The following MAFK variants were observed in gnomAD, a reference collection of about 807,000 sequenced individuals.
MAFK encodes the protein MAF bZIP transcription factor K.
A neutral mutation model predicts 9.2 loss-of-function variants in MAFK; 1 was observed. The observed-to-expected ratio is 0.11, with a 90% CI of 0.04 to 0.52. The LOEUF is 0.52. Ranked by LOEUF, MAFK falls within the 20% of genes least tolerant of loss-of-function variation. MAFK has a pLI of 0.94. For synonymous variants in MAFK, 110 were observed against 107.4 expected, an observed-to-expected ratio of 1.02 and a Z score of -0.15; for missense variants, 207 against 236.0, an observed-to-expected ratio of 0.88 and a Z score of 0.81.
In MAFK at chr7:1,542,733, G is replaced by C. The variant is rs939160175; in HGVS notation, c.*2358G>C. 1 of 152,546 alleles carries C rather than the reference G, an allele frequency of 6.6e-6. No homozygotes were observed. The highest frequency in any genetic ancestry group is 2.4e-5 in the African/African-American group (1 of 41,450). 9.4% of individuals were successfully genotyped at this position (152,546 alleles called of 1,614,324 possible). A position where few individuals can be genotyped will look rare whatever the true frequency, so the allele number is the denominator to read the frequency against. ...TCACGTGGGTTTGTTTTCTGTCTCC[G>C]TGCCTCCGGCTTCCCAAAGAGATCC... On this transcript the variant is annotated 3_prime_UTR_variant, in exon 3 of 3. Coordinates refer to ENST00000343242, the MANE Select transcript of MAFK (RefSeq NM_002360.4).
At chr7:1,533,072 T>TA (rs1342074118) in intron 1 of MAFK, among the ~76,000 whole-genome samples, 1 of 152,210 alleles carries the variant, frequency 6.6e-6, no homozygotes, top group African/African-American at 2.4e-5. Context: ...CTTAAAATCA[T>TA]AGAGTTTTAG....
chr7:1,538,475 T>C, intron 1 of MAFK: 4 of 159,874 alleles, frequency 2.5e-5, no homozygotes, highest in Non-Finnish European at 4.5e-5. Context: ...TCCCGTGGCC[T>C]GTGGGGAGGG....
chr7:1,531,187 A>G (rs1248695943), intron 1 of MAFK, among the ~76,000 whole-genome samples: 8 of 146,828 alleles, frequency 5.4e-5, no homozygotes. Flanking sequence ...CAGGGCGCGG[A>G]CCCCAGACCT....
intron 1 of MAFK, among the ~76,000 whole-genome samples, chr7:1,531,559 C>T (rs1016387046): frequency 1.3e-5 from 2 of 152,210 alleles, no homozygotes; most frequent in African/African-American, 4.8e-5. Flanking sequence ...GGGCAGGTGA[C>T]AGTGGCCCCA....
At chr7:1,539,918 G>T (rs1009912175) in intron 2 of MAFK, 23 bp from the exon 3 acceptor site, 2 of 1,494,584 alleles carry the variant, frequency 1.3e-6, no homozygotes, top group African/African-American at 2.8e-5. Flanking sequence ...TCCCGCCGCT[G>T]ACCCCGCACT....
At chr7:1,537,468 G>C in intron 1 of MAFK, 2 of 985,614 alleles carry the variant, frequency 2.0e-6, no homozygotes, top group Non-Finnish European at 2.4e-6. Context: ...GTTTCTCATG[G>C]TGCTCCCAGC....
rs1278385816 is a variant in MAFK at position 1,534,584 on chromosome 7, C to T, written c.-45+3686C>T. ...CTGGTCTTCCTCCTGCCCCTCCTCC[C>T]TCTCCCGCATCCCACATCCTCGGAG... is the stretch of plus-strand genomic sequence containing the variant. On this transcript the variant is annotated intron_variant, in intron 1 of 2. Transcript: ENST00000343242. This position sits in a 1 kb window ranked among gnomAD's most constrained non-coding sequence, Gnocchi z 4.3. The T allele has an allele frequency of 1.5e-5, 7 of 456,374 alleles. No individual in the cohort carries two copies. The highest frequency in any genetic ancestry group is 7.0e-5 in the Admixed American group (3 of 42,572). 28.3% of individuals were successfully genotyped at this position (456,374 alleles called of 1,614,324 possible). A position where few individuals can be genotyped will look rare whatever the true frequency, so the allele number is the denominator to read the frequency against.
Position 1,534,404 on chromosome 7 carries a change from G to T in MAFK, c.-45+3506G>T, listed in dbSNP as rs924978931. 9.1e-6 allele frequency: 4 copies of T among 440,392 alleles called. No individual in the cohort carries two copies. The highest frequency in any genetic ancestry group is 1.9e-5 in the Non-Finnish European group (4 of 214,130). The allele number at this position is 440,392 out of a possible 1,614,324, so 27.3% of individuals were successfully genotyped here. On this transcript the variant is annotated intron_variant, in intron 1 of 2. Transcript: ENST00000343242. This position sits in a 1 kb window ranked among gnomAD's most constrained non-coding sequence, Gnocchi z 4.3. ...CCGGCTTGGGGTCTCTGGCAGAAAG[G>T]CTCCTGGGAGAGGCGGGTACACCTT...
At chr7:1,538,582 G>A in intron 1 of MAFK, 1 of 351,420 alleles carries the variant, frequency 2.8e-6, no homozygotes, top group Non-Finnish European at 4.0e-6. Context: ...ATCCAGGCTG[G>A]GTCCGGAGCA....
intron 1 of MAFK, chr7:1,538,183 C>T (rs954632282): frequency 6.3e-6 from 5 of 788,588 alleles, no homozygotes; most frequent in Non-Finnish European, 7.7e-6. Context: ...TCGGAGGGCT[C>T]ATGCCGGGGA....
chr7:1,531,559 C>G (rs1016387046), intron 1 of MAFK, among the ~76,000 whole-genome samples: 11 of 152,210 alleles, frequency 7.2e-5, no homozygotes, highest in African/African-American at 2.7e-4. Flanking sequence ...GGGCAGGTGA[C>G]AGTGGCCCCA....
At chr7:1,536,703 C>T (rs562035065) in intron 1 of MAFK, among the ~76,000 whole-genome samples, 7 of 152,356 alleles carry the variant, frequency 4.6e-5, no homozygotes, top group Admixed American at 6.5e-5. Context: ...ATGTTTAAAG[C>T]GACATTAGGT....
chr7:1,536,482 A>G (rs1373817811), intron 1 of MAFK, among the ~76,000 whole-genome samples: 1 of 152,014 alleles, frequency 6.6e-6, no homozygotes, highest in Non-Finnish European at 1.5e-5. Context: ...CCTGGATGAC[A>G]CCCTAAGGCT....
In MAFK at chr7:1,539,085, G is replaced by C. The variant is rs10252127; in HGVS notation, c.-44-64G>C. 9,232 of 1,295,400 alleles carry C rather than the reference G, an allele frequency of 7.1e-3. 395 individuals carry two copies. The African/African-American group carries it at 0.096, about 13-fold the overall frequency. The allele number at this position is 1,295,400 out of a possible 1,614,324, so 80.2% of individuals were successfully genotyped here. On this transcript the variant is annotated intron_variant, in intron 1 of 2. Transcript: ENST00000343242. ...AGAAGCATCCCTGCATGGGAGGTGG[G>C]CACCCTGTCCGGCGCTGCCGGCCCT...
In MAFK at chr7:1,540,351, C is replaced by T. The variant is rs763082306; in HGVS notation, c.447C>T (p.Ser149=). The T allele has an allele frequency of 1.3e-5, 18 of 1,354,388 alleles. No homozygotes were observed. The highest frequency in any genetic ancestry group is 5.8e-5 in the Admixed American group (3 of 51,648). 83.9% of individuals were successfully genotyped at this position (1,354,388 alleles called of 1,614,324 possible). Residue 149 remains serine, a synonymous_variant, in exon 3 of 3, where the codon TCC becomes TCT. Transcript: ENST00000343242. ...AGTCCACCGAGCTCTCCTCCACCTC[C>T]GTGCCCTTCTCGGCTGCATCCTAGT... ...IVKSTELSST[S]VPFSAAS is the part of the protein sequence containing the mutation.
chr7:1,539,718 T>C (rs912395821), intron 2 of MAFK, among the ~76,000 whole-genome samples: 2 of 152,218 alleles, frequency 1.3e-5, no homozygotes, highest in South Asian at 2.1e-4. Context: ...GTGACCGATG[T>C]CACCACTGGC....
At position 1,538,404 on chromosome 7, in the gene MAFK, G is replaced by A. The variant is rs568000079; in HGVS notation, c.-44-745G>A. 547 of 985,486 alleles carry A rather than the reference G, an allele frequency of 5.6e-4. 4 individuals carry two copies. In the African/African-American group the frequency reaches 8.2e-3, roughly 15 times the overall value. The allele number at this position is 985,486 out of a possible 1,614,324, so 61.0% of individuals were successfully genotyped here. On this transcript the variant is annotated intron_variant, in intron 1 of 2. Transcript: ENST00000343242. ...CCCTTGGGCCGCAGGGTCCTCGCTC[G>A]GGGGCAGCTTAGGTGGAGGTGGTGA...
At chr7:1,531,154 C>T (rs1783895168) in intron 1 of MAFK, among the ~76,000 whole-genome samples, 4 of 149,286 alleles carry the variant, frequency 2.7e-5, no homozygotes, top group East Asian at 3.9e-4. Flanking sequence ...CCGCCCGGGC[C>T]ATGCTTGCCG....
Position 1,540,928 on chromosome 7 carries a change from T to G in MAFK, c.*553T>G. On this transcript the variant is annotated 3_prime_UTR_variant, in exon 3 of 3. Transcript: ENST00000343242. ...CGTCCTTCCAGCTGTCCCGTTGCAG[T>G]GCCCGTGATCCGCGTCTGCCTTAGC... The G allele has an allele frequency of 6.4e-6, 1 of 156,744 alleles. No individual in the cohort carries two copies. Among genetic ancestry groups the G allele is most frequent in the Non-Finnish European group, 1.4e-5 (1 of 70,942 alleles). The allele number at this position is 156,744 out of a possible 1,614,324, so 9.7% of individuals were successfully genotyped here. A position where few individuals can be genotyped will look rare whatever the true frequency, so the allele number is the denominator to read the frequency against.
Sources: allele counts gnomAD v4.1 joint callset (sites outside exome capture counted in the v4.1 genomes callset), GRCh38; gene constraint gnomAD v4.1.1; non-coding constraint Gnocchi (gnomAD v3.1); transcripts MANE v1.5; gene names NCBI Gene and HGNC (gene_info 2026-07-23, HGNC 2026-07-21).